The following SOX6 variants were observed in gnomAD, a reference collection of about 807,000 sequenced individuals.
SOX6 encodes the protein SRY-box transcription factor 6.
Under a neutral mutation model 97.8 loss-of-function variants are expected in SOX6, and 11 were observed. The ratio of observed to expected loss-of-function variants is 0.11; its 90% CI spans 0.07 to 0.19. SOX6 has a LOEUF of 0.19. Ranked by LOEUF, SOX6 falls within the 10% of genes least tolerant of loss-of-function variation. SOX6 has a pLI of 1.00. For synonymous variants in SOX6, 360 were observed against 371.4 expected (o/e 0.97, Z 0.35); for missense variants, 810 against 1,039.5 (o/e 0.78, Z 3.04).
intron 1 of SOX6, among the ~76,000 whole-genome samples, chr11:16,460,462 A>G (rs1859901151): frequency 6.6e-6 from 1 of 152,076 alleles, no homozygotes; most frequent in African/African-American, 2.4e-5. Flanking sequence ...GTTAGTATGA[A>G]TGATAAGGTA....
intron 1 of SOX6, among the ~76,000 whole-genome samples, chr11:16,458,517 C>T (rs1859856062): frequency 6.6e-6 from 1 of 151,962 alleles, no homozygotes; most frequent in African/African-American, 2.4e-5. Flanking sequence ...ATATAAGAGG[C>T]TTGATAAGAT....
chr11:16,424,429 C>G (rs1859083636), intron 1 of SOX6, among the ~76,000 whole-genome samples: 1 of 152,030 alleles, frequency 6.6e-6, no homozygotes, highest in African/African-American at 2.4e-5. Flanking sequence ...TCAAAAAAGG[C>G]AAGTAACTCG....
At chr11:16,645,742 C>T (rs1329731514) in intron 3 of SOX6, among the ~76,000 whole-genome samples, 1 of 152,138 alleles carries the variant, frequency 6.6e-6, no homozygotes, top group Non-Finnish European at 1.5e-5. Context: ...TAAGAAGAGG[C>T]AAGGAAGGAT....
intron 4 of SOX6, among the ~76,000 whole-genome samples, chr11:16,529,324 T>G (rs1861208432): frequency 6.6e-6 from 1 of 152,110 alleles, no homozygotes; most frequent in Non-Finnish European, 1.5e-5. Flanking sequence ...CCAAGCCAGA[T>G]AGCCAGACTG....
intron 6 of SOX6, among the ~76,000 whole-genome samples, chr11:16,143,713 T>C (rs1463664709): frequency 1.3e-5 from 2 of 152,042 alleles, no homozygotes; most frequent in African/African-American, 4.8e-5. Flanking sequence ...TAGTCTCTGA[T>C]AAAACAGACT....
At chr11:16,197,246 A>C (rs1409601797) in intron 4 of SOX6, among the ~76,000 whole-genome samples, 1 of 152,186 alleles carries the variant, frequency 6.6e-6, no homozygotes, top group Non-Finnish European at 1.5e-5. Flanking sequence ...TAGAGAGTCC[A>C]GTTCAGTCAT....
At chr11:16,006,668 A>C (rs1272284576) in intron 13 of SOX6, among the ~76,000 whole-genome samples, 1 of 152,038 alleles carries the variant, frequency 6.6e-6, no homozygotes. Flanking sequence ...TTCCTCCTCT[A>C]AATAGCAGTT....
At chr11:16,365,053 A>G (rs1288639081) in intron 1 of SOX6, among the ~76,000 whole-genome samples, 1 of 152,154 alleles carries the variant, frequency 6.6e-6, no homozygotes, top group Non-Finnish European at 1.5e-5. Flanking sequence ...ATAGCACAAT[A>G]AGATAACTTA....
intron 3 of SOX6, among the ~76,000 whole-genome samples, chr11:16,289,784 G>C (rs901195030): frequency 6.6e-6 from 1 of 151,952 alleles, no homozygotes; most frequent in Non-Finnish European, 1.5e-5. Context: ...TTGGCCCAGA[G>C]TAAAATGTGG....
At chr11:16,664,540 A>C (rs1847790974) in intron 3 of SOX6, among the ~76,000 whole-genome samples, 2 of 152,190 alleles carry the variant, frequency 1.3e-5, no homozygotes, top group South Asian at 4.1e-4. Flanking sequence ...CAGCAGTCAG[A>C]ATCTGAGTTC....
intron 3 of SOX6, among the ~76,000 whole-genome samples, chr11:16,619,468 T>C (rs2133987674): frequency 6.6e-6 from 1 of 152,198 alleles, no homozygotes; most frequent in South Asian, 2.1e-4. Context: ...ACCAAATAAA[T>C]TCTAATTTTG....
intron 4 of SOX6, among the ~76,000 whole-genome samples, chr11:16,504,375 CCAA>C (rs1267420141): frequency 3.3e-5 from 5 of 152,050 alleles, no homozygotes; most frequent in African/African-American, 1.2e-4. Flanking sequence ...TTACATCTGA[CCAA>C]CAAGTTCAGT....
chr11:16,500,191 C>T lies in SOX6; in HGVS notation n.610-23803G>A, dbSNP rs375639862. Among the ~76,000 whole-genome samples, 36 of 152,296 alleles carry T rather than the reference C, an allele frequency of 2.4e-4. 1 individual carries two copies. The South Asian group carries it at 7.3e-3, about 31-fold the overall frequency. ...CAATAAACGGAATCCAGCATATAAA[C>T]AGAACCAATGACAAAAACCAAATGA... On this transcript the variant is annotated intron_variant and non_coding_transcript_variant, in intron 4 of 5. Transcript: ENST00000524520.
At chr11:16,483,973 G>A in intron 4 of SOX6, 1 of 856,658 alleles carries the variant, frequency 1.2e-6, no homozygotes, top group Non-Finnish European at 2.0e-6. Flanking sequence ...GTGCTTGGCT[G>A]TGATCACCTT....
chr11:16,513,897 A>C (rs1024243267), intron 4 of SOX6, among the ~76,000 whole-genome samples: 5 of 152,080 alleles, frequency 3.3e-5, no homozygotes, highest in Non-Finnish European at 7.4e-5. Flanking sequence ...AAGATTTTTA[A>C]TGTAAAAGCA....
chr11:16,307,897 T>C (rs1371489345), intron 3 of SOX6, among the ~76,000 whole-genome samples: 1 of 152,170 alleles, frequency 6.6e-6, no homozygotes, highest in Non-Finnish European at 1.5e-5. Flanking sequence ...GAATCCACAG[T>C]CTTCTAATTT....
At chr11:16,604,629 A>C (rs1848312390) in intron 4 of SOX6, among the ~76,000 whole-genome samples, 1 of 152,130 alleles carries the variant, frequency 6.6e-6, no homozygotes, top group Non-Finnish European at 1.5e-5. Flanking sequence ...GCTTCGGGCC[A>C]CCTCTAGCCC....
intron 4 of SOX6, among the ~76,000 whole-genome samples, chr11:16,228,789 A>T (rs1331129170): frequency 6.6e-6 from 1 of 152,134 alleles, no homozygotes; most frequent in African/African-American, 2.4e-5. Flanking sequence ...CATATAGACA[A>T]TAAAAAAAGA....
At chr11:16,235,969 G>A (rs1015727162) in intron 3 of SOX6, among the ~76,000 whole-genome samples, 2 of 152,008 alleles carry the variant, frequency 1.3e-5, no homozygotes, top group Non-Finnish European at 2.9e-5. Context: ...TTGTAAAAAC[G>A]GCTGATGAAG....
Sources: allele counts gnomAD v4.1 joint callset (sites outside exome capture counted in the v4.1 genomes callset), GRCh38; gene constraint gnomAD v4.1.1; transcripts MANE v1.5; gene names NCBI Gene and HGNC (gene_info 2026-07-23, HGNC 2026-07-21).